MGMT: variants seen among roughly 807,000 people sequenced by gnomAD.
The protein encoded by MGMT is O-6-methylguanine-DNA methyltransferase, also known as methylated-DNA--protein-cysteine methyltransferase.
MGMT carries 14 observed loss-of-function variants against 15.9 expected under a neutral mutation model. The observed-to-expected ratio is 0.88, with a 90% CI of 0.58 to 1.37. The LOEUF (loss-of-function observed/expected upper bound fraction) is 1.37, where lower values mean the gene tolerates loss of function less well. Among genes scored for constraint, MGMT ranks in the 40% most tolerant of loss-of-function variants. The pLI is 0.00. For synonymous variants in MGMT, 130 were observed against 118.2 expected (o/e 1.10, Z -0.65); for missense variants, 282 against 268.1 (o/e 1.05, Z -0.36).
intron 2 of MGMT, among the ~76,000 whole-genome samples, chr10:129,649,647 G>A (rs902564768): frequency 6.6e-6 from 1 of 152,050 alleles, no homozygotes; most frequent in Non-Finnish European, 1.5e-5. Context: ...AGATTAAGAC[G>A]GACTCTTCAG....
chr10:129,759,002 G>C (rs1351106078), intron 3 of MGMT, among the ~76,000 whole-genome samples, 200 bp from the exon 4 acceptor site: 1 of 152,268 alleles, frequency 6.6e-6, no homozygotes, highest in Non-Finnish European at 1.5e-5. Context: ...CAAGGGGCCA[G>C]CCTGCATGGT....
intron 2 of MGMT, among the ~76,000 whole-genome samples, chr10:129,652,451 C>A (rs551686005): frequency 1.3e-5 from 2 of 152,320 alleles, no homozygotes; most frequent in African/African-American, 4.8e-5. Flanking sequence ...CCTGAGGGAA[C>A]GGAGGAGACT....
rs533291276 is a variant in MGMT, at chr10:129,569,991, A to G, written c.125+33614A>G. ...GCTTGCCCTCCATAATTGAGTGTAG[A>G]CTAACTCTGCAGCCTAAGCCAAAGT... On this transcript the variant is annotated intron_variant, in intron 2 of 4. Coordinates refer to ENST00000651593, the MANE Select transcript of MGMT (RefSeq NM_002412.5). 2.0e-5 allele frequency among the ~76,000 whole-genome samples: 3 copies of G among 152,230 alleles called. No homozygotes were observed. The South Asian group carries it at 6.2e-4, about 32-fold the overall frequency.
intron 1 of MGMT, among the ~76,000 whole-genome samples, chr10:129,474,314 G>T (rs1037501189): frequency 6.6e-6 from 1 of 152,240 alleles, no homozygotes; most frequent in African/African-American, 2.4e-5. Context: ...ATGCAGGATG[G>T]TGGCAGCAGG....
At chr10:129,631,978 C>T (rs917211308) in intron 2 of MGMT, among the ~76,000 whole-genome samples, 2 of 152,144 alleles carry the variant, frequency 1.3e-5, no homozygotes, top group Non-Finnish European at 2.9e-5. Context: ...CTGTAGCAGT[C>T]CTCCCACCTT....
chr10:129,758,179 T>C (rs1315191939), intron 3 of MGMT, among the ~76,000 whole-genome samples: 1 of 152,246 alleles, frequency 6.6e-6, no homozygotes, highest in East Asian at 1.9e-4. Flanking sequence ...ATTTTTATTA[T>C]TTAACACACA....
At chr10:129,469,560 A>G (rs1845207175) in intron 1 of MGMT, among the ~76,000 whole-genome samples, 2 of 152,060 alleles carry the variant, frequency 1.3e-5, no homozygotes, top group Non-Finnish European at 2.9e-5. Context: ...CCTCCAGGGG[A>G]CACATTGAGC....
intron 3 of MGMT, among the ~76,000 whole-genome samples, chr10:129,718,477 G>A (rs1848326860): frequency 1.3e-5 from 2 of 151,954 alleles, no homozygotes; most frequent in African/African-American, 2.4e-5. Flanking sequence ...ATTTCGAAGG[G>A]CAATTCTTCA....
chr10:129,470,078 T>C (rs955599398), intron 1 of MGMT, among the ~76,000 whole-genome samples: 1 of 152,202 alleles, frequency 6.6e-6, no homozygotes, highest in Non-Finnish European at 1.5e-5. Context: ...AACCATCACC[T>C]GACTGTGGGG....
chr10:129,718,955 GT>G (rs1384091402), intron 3 of MGMT, among the ~76,000 whole-genome samples: 1 of 151,126 alleles, frequency 6.6e-6, no homozygotes, highest in African/African-American at 2.4e-5. Context: ...GCTCAGGTGT[GT>G]CCCCTTTCTG....
intron 2 of MGMT, among the ~76,000 whole-genome samples, chr10:129,545,870 A>G (rs1846092815): frequency 6.6e-6 from 1 of 152,226 alleles, no homozygotes; most frequent in African/African-American, 2.4e-5. Context: ...GTAAAATTTT[A>G]TCAGTAATTA....
chr10:129,499,707 T>TA, intron 1 of MGMT, among the ~76,000 whole-genome samples: 1 of 152,358 alleles, frequency 6.6e-6, no homozygotes, highest in South Asian at 2.1e-4. Context: ...TTAAGGGTGA[T>TA]ACAGTATTCA....
chr10:129,582,097 T>A (rs963551264), intron 2 of MGMT, among the ~76,000 whole-genome samples: 1 of 152,182 alleles, frequency 6.6e-6, no homozygotes, highest in Admixed American at 6.5e-5. Flanking sequence ...TTACAAGTGC[T>A]CCTTTTTTGA....
rs1589985103 is a variant in MGMT, at chr10:129,768,688, T to A, written c.*1691T>A. The stretch of plus-strand genomic sequence containing the variant: ...GCAGCTTGGGGCCTGGTGGCCCGGG[T>A]GTGCGAGCCGCGAGTGCTTTCCAAC... On this transcript the variant is annotated 3_prime_UTR_variant, in exon 5 of 5. Transcript: ENST00000651593. Among the ~76,000 whole-genome samples, 1 of 152,134 alleles carries A rather than the reference T, an allele frequency of 6.6e-6. No homozygotes were observed.
At chr10:129,747,379 C>T (rs953870872) in intron 3 of MGMT, among the ~76,000 whole-genome samples, 1 of 152,026 alleles carries the variant, frequency 6.6e-6, no homozygotes, top group Non-Finnish European at 1.5e-5. Context: ...TCTTAGGTTG[C>T]TGAGAGCTTT....
At chr10:129,578,104 C>T (rs1846507947) in intron 2 of MGMT, among the ~76,000 whole-genome samples, 2 of 152,156 alleles carry the variant, frequency 1.3e-5, no homozygotes, top group Non-Finnish European at 2.9e-5. Flanking sequence ...AGTAGTTCAA[C>T]CATTGTGGAA....
At chr10:129,579,680 G>A (rs1448806133) in intron 2 of MGMT, among the ~76,000 whole-genome samples, 1 of 152,210 alleles carries the variant, frequency 6.6e-6, no homozygotes, top group Non-Finnish European at 1.5e-5. Context: ...TTCTTCTGGA[G>A]CCTTACTATT....
At chr10:129,514,780 G>A (rs902143779) in intron 1 of MGMT, among the ~76,000 whole-genome samples, 3 of 152,220 alleles carry the variant, frequency 2.0e-5, no homozygotes, top group Non-Finnish European at 4.4e-5. Context: ...TGAATCTGCC[G>A]GCGCCTTGGT....
Position 129,697,670 on chromosome 10 carries a change from G to A in MGMT, c.126-10225G>A, listed in dbSNP as rs114056152. Among the ~76,000 whole-genome samples the A allele has an allele frequency of 4.6e-3, 701 of 152,284 alleles. 9 individuals are homozygous for A. Among genetic ancestry groups the A allele is most frequent in the African/African-American group, 0.014 (601 of 41,554 alleles). ...TCCCAGAGTGCATTGATCCTCAACC[G>A]TGTTCATGTACCCCTGCCCAAGGTG... On this transcript the variant is annotated intron_variant, in intron 2 of 4. Coordinates refer to ENST00000651593, the MANE Select transcript of MGMT (RefSeq NM_002412.5).
Sources: allele counts gnomAD v4.1 joint callset (sites outside exome capture counted in the v4.1 genomes callset), GRCh38; gene constraint gnomAD v4.1.1; transcripts MANE v1.5; gene names NCBI Gene and HGNC (gene_info 2026-07-23, HGNC 2026-07-21).